The following ATP2B2 variants were observed in gnomAD, a reference collection of about 807,000 sequenced individuals.
The protein encoded by ATP2B2 is ATPase plasma membrane Ca2+ transporting 2.
Under a neutral mutation model 120.0 loss-of-function variants are expected in ATP2B2, and 15 were observed. That is an observed-to-expected ratio of 0.12 (90% CI 0.08 to 0.19). ATP2B2 has a LOEUF of 0.19. Ranked by LOEUF, ATP2B2 falls within the 10% of genes least tolerant of loss-of-function variation. The pLI, the probability that ATP2B2 is intolerant of heterozygous loss-of-function variation, is 1.00. For missense variants in ATP2B2, 1,045 were observed against 1,719.8 expected, an observed-to-expected ratio of 0.61 and a Z score of 6.94; for synonymous variants, 694 against 700.3, an observed-to-expected ratio of 0.99 and a Z score of 0.14.
chr3:10,634,959 C>CAG (rs1483745236), intron 1 of ATP2B2, among the ~76,000 whole-genome samples: 1 of 152,048 alleles, frequency 6.6e-6, no homozygotes, highest in Non-Finnish European at 1.5e-5. Context: ...CTCAAAGGAT[C>CAG]AGAGGGTTGG....
At chr3:10,542,992 A>G (rs543683503) in intron 2 of ATP2B2, among the ~76,000 whole-genome samples, 18 of 152,218 alleles carry the variant, frequency 1.2e-4, no homozygotes, top group African/African-American at 3.4e-4. Context: ...ATCTTTTGTT[A>G]AATCAAGGCT....
rs4684694 is a variant in ATP2B2 at position 10,477,421 on chromosome 3, G to C, written c.-319-27559C>G. Among the ~76,000 whole-genome samples, 14 of 152,084 alleles carry C rather than the reference G, an allele frequency of 9.2e-5. No individual in the cohort carries two copies. In the East Asian group the frequency reaches 1.7e-3, roughly 19 times the overall value. ...ACATAACATGGGATTTACCATTCTA[G>C]CCATTTTTAAGTGCACAGTTCAGTG... On this transcript the variant is annotated intron_variant, in intron 1 of 22. Transcript: ENST00000360273.
chr3:10,440,884 A>G (rs1459812918), intron 2 of ATP2B2, among the ~76,000 whole-genome samples: 1 of 152,250 alleles, frequency 6.6e-6, no homozygotes, highest in Non-Finnish European at 1.5e-5. Flanking sequence ...AGCTGGGATG[A>G]TGACAGTTCC....
In ATP2B2 at chr3:10,378,292, C is replaced by T. The variant is rs2061433990; in HGVS notation, c.1161G>A (p.Gln387=). The T allele has an allele frequency of 4.3e-6, 7 of 1,609,604 alleles. No homozygotes were observed. The highest frequency in any genetic ancestry group is 5.9e-6 in the Non-Finnish European group (7 of 1,180,022). Residue 387 remains glutamine, a synonymous_variant, in exon 10 of 23, where the codon CAG becomes CAA. Transcript: ENST00000360273. ...SMHKKEKSVL[Q]GKLTKLAVQI... is the part of the protein sequence containing the mutation. The stretch of plus-strand genomic sequence containing the variant: ...GCACAGCCAGCTTGGTGAGCTTGCC[C>T]TGCAGCACGGACTTCTCCTTCTTGT...
rs1006263650 is a variant in ATP2B2, at chr3:10,413,899, C to T, written c.200-3084G>A. On this transcript the variant is annotated intron_variant, in intron 2 of 22. Coordinates refer to ENST00000360273, the MANE Select transcript of ATP2B2 (RefSeq NM_001001331.4). ...GGGAGAAGGGAGAGTTCAAGAGGGC[C>T]GTGGGCCTCTGAGGGAGGGGCTATG... Among the ~76,000 whole-genome samples, 5 of 152,286 alleles carry T rather than the reference C, an allele frequency of 3.3e-5. No individual in the cohort carries two copies. The South Asian group carries it at 8.3e-4, about 25-fold the overall frequency.
intron 2 of ATP2B2, among the ~76,000 whole-genome samples, chr3:10,419,913 T>G (rs745445944): frequency 9.9e-5 from 15 of 152,192 alleles, no homozygotes; most frequent in Non-Finnish European, 1.9e-4. Flanking sequence ...CCTGCGACAA[T>G]GGGGTGCTCA....
chr3:10,423,128 C>A (rs1478809655), intron 2 of ATP2B2, among the ~76,000 whole-genome samples: 1 of 152,196 alleles, frequency 6.6e-6, no homozygotes, highest in Admixed American at 6.5e-5. Context: ...CCAGAGAAAT[C>A]TGAATTTTAG....
At chr3:10,341,183 C>T (rs969458584) in intron 19 of ATP2B2, among the ~76,000 whole-genome samples, 1 of 152,154 alleles carries the variant, frequency 6.6e-6, no homozygotes, top group African/African-American at 2.4e-5. Context: ...GAGCCCAGGA[C>T]TTCTGGGCTA....
chr3:10,545,726 C>A (rs372426254), intron 2 of ATP2B2, among the ~76,000 whole-genome samples: 1 of 151,966 alleles, frequency 6.6e-6, no homozygotes, highest in South Asian at 2.1e-4. Context: ...TTATTGTTAG[C>A]GGTGGTTTTT....
intron 14 of ATP2B2, among the ~76,000 whole-genome samples, chr3:10,354,250 G>T (rs1235178612): frequency 2.0e-5 from 3 of 152,148 alleles, no homozygotes; most frequent in Admixed American, 6.5e-5. Flanking sequence ...AACAGCTCTG[G>T]CGCATCTAAC....
intron 1 of ATP2B2, among the ~76,000 whole-genome samples, chr3:10,454,051 C>T (rs1270327022): frequency 6.6e-6 from 1 of 150,994 alleles, no homozygotes; most frequent in East Asian, 1.9e-4. Flanking sequence ...ACTCATCCAT[C>T]CATCCATCCA....
chr3:10,601,384 CCT>C (rs1306296352), intron 2 of ATP2B2, among the ~76,000 whole-genome samples: 1 of 152,122 alleles, frequency 6.6e-6, no homozygotes, highest in Non-Finnish European at 1.5e-5. Flanking sequence ...GCCTCAACCC[CCT>C]GAGTGGAGGA....
intron 2 of ATP2B2, among the ~76,000 whole-genome samples, chr3:10,443,458 T>G (rs1314941161): frequency 2.0e-5 from 3 of 152,160 alleles, no homozygotes; most frequent in African/African-American, 7.2e-5. Context: ...AGTGGCCCAG[T>G]GAGAGCGTAG....
intron 8 of ATP2B2, among the ~76,000 whole-genome samples, chr3:10,384,314 C>T (rs547786246): frequency 1.3e-5 from 2 of 152,234 alleles, no homozygotes; most frequent in East Asian, 1.9e-4. Flanking sequence ...TATGCAGAGA[C>T]GGTGGGAAAA....
At chr3:10,489,059 C>T (rs2065838735) in intron 1 of ATP2B2, among the ~76,000 whole-genome samples, 1 of 152,186 alleles carries the variant, frequency 6.6e-6, no homozygotes. Flanking sequence ...GTTTCTCCAA[C>T]TCACTGAGCA....
intron 1 of ATP2B2, among the ~76,000 whole-genome samples, chr3:10,464,091 G>C (rs1419597956): frequency 2.0e-5 from 3 of 152,210 alleles, no homozygotes; most frequent in Non-Finnish European, 4.4e-5. Flanking sequence ...TGTGACCATG[G>C]GGGGGCCTGA....
rs1386620938 is a variant in ATP2B2, at chr3:10,611,785, G to C, written c.-415+8132C>G. Among the ~76,000 whole-genome samples, 7 of 152,238 alleles carry C rather than the reference G, an allele frequency of 4.6e-5. No individual in the cohort carries two copies. The East Asian group carries it at 1.4e-3, about 29-fold the overall frequency. ...CTCTGGCAATTCCTAAGAGTGTAAC[G>C]TTGGACCAGTGACTCCATCTCTCTA... On this transcript the variant is annotated intron_variant, in intron 2 of 21. Coordinates refer to the ATP2B2 transcript ENST00000646379.
chr3:10,367,727 C>T (rs1204576363), intron 12 of ATP2B2, among the ~76,000 whole-genome samples: 1 of 152,154 alleles, frequency 6.6e-6, no homozygotes, highest in Non-Finnish European at 1.5e-5. Context: ...CAGATCTGCT[C>T]GGGTACTCTC....
intron 8 of ATP2B2, among the ~76,000 whole-genome samples, chr3:10,383,267 T>C (rs1227352240): frequency 6.6e-6 from 1 of 152,224 alleles, no homozygotes; most frequent in Admixed American, 6.5e-5. Context: ...GAGTATATTA[T>C]GGGGCAGACC....
Sources: gnomAD v4.1 joint callset for allele counts (sites outside exome capture counted in the v4.1 genomes callset) on GRCh38, gnomAD v4.1.1 for gene constraint, MANE v1.5 for transcripts, NCBI Gene and HGNC (gene_info 2026-07-23, HGNC 2026-07-21) for gene names.